ATG10: variants seen among roughly 807,000 people sequenced by gnomAD.
ATG10 encodes ubiquitin-like-conjugating enzyme ATG10.
ATG10 carries 30 observed loss-of-function variants against 32.1 expected under a neutral mutation model. That is an observed-to-expected ratio of 0.94 (90% CI 0.70 to 1.27). ATG10 has a LOEUF of 1.27. ATG10 is among the 50% of genes most tolerant of loss of function. ATG10 has a pLI of 0.00. For missense variants in ATG10, 233 were observed against 262.3 expected (o/e 0.89, Z 0.77); for synonymous variants, 87 against 91.5 (o/e 0.95, Z 0.28).
intron 3 of ATG10, among the ~76,000 whole-genome samples, chr5:82,144,396 A>G (rs1767265728): frequency 6.6e-6 from 1 of 151,856 alleles, no homozygotes; most frequent in Non-Finnish European, 1.5e-5. Context: ...TTTAAGGTTG[A>G]AAGTTAAGTA....
At chr5:81,985,976 G>C (rs570350076) in intron 1 of ATG10, among the ~76,000 whole-genome samples, 1 of 152,260 alleles carries the variant, frequency 6.6e-6, no homozygotes, top group East Asian at 1.9e-4. Context: ...TGTTAGCCAG[G>C]TTGGTCTCCA....
chr5:82,131,310 C>T (rs1282123383), intron 3 of ATG10, among the ~76,000 whole-genome samples: 1 of 152,100 alleles, frequency 6.6e-6, no homozygotes, highest in East Asian at 1.9e-4. Flanking sequence ...TTCATTCTGG[C>T]ATGTTATGTA....
intron 5 of ATG10, among the ~76,000 whole-genome samples, chr5:82,234,016 G>T (rs1402982532): frequency 6.6e-6 from 1 of 152,130 alleles, no homozygotes; most frequent in African/African-American, 2.4e-5. Flanking sequence ...AAGGGATTTG[G>T]GCTTCCAGGG....
At position 82,178,578 on chromosome 5, in the gene ATG10, T is replaced by A; in HGVS notation, c.444T>A (p.Ile148=). The A allele has an allele frequency of 6.2e-7, 1 of 1,604,652 alleles. No homozygotes were observed. Among genetic ancestry groups the A allele is most frequent in the East Asian group, 2.2e-5 (1 of 44,806 alleles). ...TGCTACAGGGACCATGGGACACTAT[T>A]ACGCAACAGGTTGGAGAGTATTGTC... ...MRLLQGPWDT[I]TQQEHPILGQ... The change falls in exon 5 of 8, where the codon ATT becomes ATA. Residue 148 remains isoleucine, a synonymous_variant. Transcript: ENST00000282185.
At chr5:82,080,136 A>T (rs1396890989) in intron 3 of ATG10, among the ~76,000 whole-genome samples, 11 of 152,074 alleles carry the variant, frequency 7.2e-5, no homozygotes, top group Admixed American at 6.5e-4. Flanking sequence ...GCATTTTTTC[A>T]TGTGTCTGTT....
chr5:82,110,174 C>T (rs1164655849), intron 3 of ATG10, among the ~76,000 whole-genome samples: 1 of 151,994 alleles, frequency 6.6e-6, no homozygotes, highest in African/African-American at 2.4e-5. Context: ...GTATATGTGC[C>T]ACATTTTCTT....
chr5:81,990,027 T>G (rs1204203633), intron 2 of ATG10, among the ~76,000 whole-genome samples: 1 of 152,198 alleles, frequency 6.6e-6, no homozygotes, highest in East Asian at 1.9e-4. Context: ...TTCAGTGGTT[T>G]CTCTTGGGTC....
At chr5:81,998,456 A>G (rs1761732833) in intron 2 of ATG10, among the ~76,000 whole-genome samples, 1 of 152,250 alleles carries the variant, frequency 6.6e-6, no homozygotes, top group Admixed American at 6.5e-5. Context: ...TAGACCAGTG[A>G]CACTATAAAG....
chr5:82,141,646 TAGATAAAAAAAAA>T (rs943787509), intron 3 of ATG10, among the ~76,000 whole-genome samples: 16 of 151,732 alleles, frequency 1.1e-4, no homozygotes, highest in Admixed American at 2.6e-4. Context: ...TAGCTTACTT[TAGATAAAAAAAAA>T]AGGAAAATAA....
chr5:82,060,762 G>A (rs1370078751), intron 3 of ATG10, among the ~76,000 whole-genome samples: 1 of 152,066 alleles, frequency 6.6e-6, no homozygotes, highest in African/African-American at 2.4e-5. Context: ...CTACTCGGGA[G>A]GCTGAGACAG....
intron 1 of ATG10, among the ~76,000 whole-genome samples, chr5:81,983,763 G>A (rs1272483725): frequency 1.3e-5 from 2 of 150,686 alleles, no homozygotes; most frequent in Admixed American, 6.6e-5. Context: ...GCTGCTGGGC[G>A]GAGGGTCTCC....
rs564383755 is a variant in ATG10, at chr5:82,013,827, C to G, written c.108+26149C>G. On this transcript the variant is annotated intron_variant, in intron 2 of 7. Coordinates refer to ENST00000282185, the MANE Select transcript of ATG10 (RefSeq NM_031482.5). ...TCTTTTGAGAATTGTCTATTCATGT[C>G]CTTAGCCCACTTTTTGATGGGATTG... is the stretch of plus-strand genomic sequence containing the variant. Among the ~76,000 whole-genome samples the G allele has an allele frequency of 8.5e-5, 13 of 152,148 alleles. No homozygotes were observed. The East Asian group carries it at 2.5e-3, about 29-fold the overall frequency.
chr5:81,988,775 A>G (rs1761365183), intron 2 of ATG10, among the ~76,000 whole-genome samples: 2 of 152,134 alleles, frequency 1.3e-5, no homozygotes, highest in Admixed American at 1.3e-4. Context: ...TAATAATGTA[A>G]AAGGCCTATG....
chr5:82,185,280 A>G (rs1413436857), intron 5 of ATG10, among the ~76,000 whole-genome samples: 2 of 152,230 alleles, frequency 1.3e-5, no homozygotes, highest in Non-Finnish European at 2.9e-5. Flanking sequence ...ATGTGCTTAA[A>G]TTTGGAAACC....
At chr5:82,021,128 C>G (rs944432162) in intron 2 of ATG10, among the ~76,000 whole-genome samples, 2 of 151,842 alleles carry the variant, frequency 1.3e-5, no homozygotes, top group African/African-American at 4.8e-5. Flanking sequence ...ATGCTGAATT[C>G]AAATATATAT....
At chr5:82,216,871 A>G (rs1287042809) in intron 5 of ATG10, among the ~76,000 whole-genome samples, 1 of 152,120 alleles carries the variant, frequency 6.6e-6, no homozygotes, top group Non-Finnish European at 1.5e-5. Flanking sequence ...CCTGGACAAT[A>G]TGGTGAAACC....
intron 3 of ATG10, among the ~76,000 whole-genome samples, chr5:82,138,006 A>G (rs1226168765): frequency 6.6e-6 from 1 of 152,174 alleles, no homozygotes; most frequent in Non-Finnish European, 1.5e-5. Context: ...TGAACTTCCC[A>G]GAGGCTTTGT....
chr5:81,986,676 T>C (rs1043344372), intron 1 of ATG10, among the ~76,000 whole-genome samples: 2 of 152,130 alleles, frequency 1.3e-5, no homozygotes, highest in African/African-American at 2.4e-5. Flanking sequence ...GTTTATATGA[T>C]TTTAATTCAA....
intron 2 of ATG10, chr5:82,009,918 C>T (rs1312888233): frequency 1.2e-6 from 2 of 1,610,896 alleles, no homozygotes; most frequent in Non-Finnish European, 1.7e-6. Flanking sequence ...ACACATAAAC[C>T]CTGGAATAAT....
Sources: allele counts gnomAD v4.1 joint callset (sites outside exome capture counted in the v4.1 genomes callset), GRCh38; gene constraint gnomAD v4.1.1; transcripts MANE v1.5; gene names NCBI Gene and HGNC (gene_info 2026-07-23, HGNC 2026-07-21).